Variants in MUSK observed in about 807,000 individuals in gnomAD.
The protein encoded by MUSK is muscle, skeletal receptor tyrosine-protein kinase.
In MUSK, 55 loss-of-function variants were observed where a neutral mutation model predicts 88.7. That is an observed-to-expected ratio of 0.62 (90% confidence interval 0.50 to 0.78). The LOEUF is 0.78. Ranked by LOEUF, MUSK falls within the 30% of genes least tolerant of loss-of-function variation. The probability of loss-of-function intolerance (pLI) is 0.00; values close to 1 mark genes in which losing one functional copy is unlikely to be tolerated. For missense variants in MUSK, 1,015 were observed against 1,074.3 expected (o/e 0.94, Z 0.77); for synonymous variants, 387 against 391.9 (o/e 0.99, Z 0.15).
chr9:110,759,949 T>C (rs751991258), intron 7 of MUSK, among the ~76,000 whole-genome samples: 7 of 151,940 alleles, frequency 4.6e-5, no homozygotes, highest in Non-Finnish European at 7.4e-5. Context: ...GGCAGGAAAA[T>C]AACTTGAACC....
intron 7 of MUSK, among the ~76,000 whole-genome samples, chr9:110,760,169 A>G (rs1017881732): frequency 6.6e-6 from 1 of 152,216 alleles, no homozygotes; most frequent in Non-Finnish European, 1.5e-5. Context: ...CTAAGATAAC[A>G]AAAACAGAAC....
chr9:110,736,009 T>A (rs1454528039), intron 6 of MUSK, among the ~76,000 whole-genome samples: 1 of 152,108 alleles, frequency 6.6e-6, no homozygotes, highest in Non-Finnish European at 1.5e-5. Context: ...CAATTCGACT[T>A]GAGATTTGGT....
At position 110,806,075 on chromosome 9, in the gene MUSK, T is replaced by C. The variant is rs2132082219; in HGVS notation, c.*5087T>C. Among the ~76,000 whole-genome samples the C allele has an allele frequency of 1.3e-5, 2 of 152,246 alleles. No homozygotes were observed. Among genetic ancestry groups the C allele is most frequent in the East Asian group, 3.9e-4 (2 of 5,186 alleles). ...ATAAAAGTTCCCTTCTTCCTTTTCATCTCTAGTCCCAGCCTAAGTGCTAAC... is the reference window on the plus strand; with the variant it reads ...ATAAAAGTTCCCTTCTTCCTTTTCACCTCTAGTCCCAGCCTAAGTGCTAAC... On this transcript the variant is annotated 3_prime_UTR_variant, in exon 15 of 15. Coordinates refer to ENST00000374448, the MANE Select transcript of MUSK (RefSeq NM_005592.4).
At chr9:110,695,346 T>C (rs1291473342) in intron 3 of MUSK, 57 bp from the exon 4 acceptor site, 4 of 1,209,736 alleles carry the variant, frequency 3.3e-6, no homozygotes, top group Non-Finnish European at 4.5e-6. Context: ...AGTTAGAAAC[T>C]CTAGGTTTAA....
intron 1 of MUSK, among the ~76,000 whole-genome samples, chr9:110,680,203 G>C (rs764989955): frequency 2.0e-5 from 3 of 152,130 alleles, no homozygotes; most frequent in Middle Eastern, 6.8e-3. Flanking sequence ...TCATGTAAAG[G>C]TATTAGCCTA....
intron 5 of MUSK, among the ~76,000 whole-genome samples, chr9:110,708,544 C>G (rs989676455): frequency 1.3e-5 from 2 of 152,110 alleles, no homozygotes; most frequent in African/African-American, 4.8e-5. Flanking sequence ...TCCCTGGAGG[C>G]TATCATTGGG....
chr9:110,670,966 AT>A (rs2075949539), intron 1 of MUSK, among the ~76,000 whole-genome samples: 1 of 151,328 alleles, frequency 6.6e-6, no homozygotes, highest in Admixed American at 6.6e-5. Context: ...AAATTTTATT[AT>A]TTTCATTATT....
chr9:110,774,684 C>G (rs2077637999), intron 9 of MUSK, among the ~76,000 whole-genome samples: 1 of 152,088 alleles, frequency 6.6e-6, no homozygotes, highest in African/African-American at 2.4e-5. Flanking sequence ...CTCCCTTCTC[C>G]CTTACGCACA....
chr9:110,704,681 C>T (rs933413944), intron 5 of MUSK, among the ~76,000 whole-genome samples: 3 of 152,078 alleles, frequency 2.0e-5, no homozygotes, highest in South Asian at 2.1e-4. Flanking sequence ...GTCATCATCT[C>T]TGCATAGAGA....
At chr9:110,706,778 C>T (rs936268458) in intron 5 of MUSK, among the ~76,000 whole-genome samples, 24 of 152,156 alleles carry the variant, frequency 1.6e-4, no homozygotes, top group African/African-American at 5.3e-4. Flanking sequence ...TCGAGGCAGG[C>T]GGATCACTTG....
chr9:110,689,447 TA>T (rs571006335), intron 3 of MUSK, among the ~76,000 whole-genome samples: 1,689 of 108,094 alleles, frequency 0.016, 44 homozygotes, highest in African/African-American at 0.071. Flanking sequence ...TTAAAATATG[TA>T]AAAAATACAT....
chr9:110,791,169 CG>C (rs1483236910), intron 14 of MUSK, among the ~76,000 whole-genome samples: 3 of 151,224 alleles, frequency 2.0e-5, no homozygotes, highest in Admixed American at 6.6e-5. Flanking sequence ...ACGCAGAAGA[CG>C]GGTGATTTCT....
chr9:110,785,881 TG>T (rs1472442766), intron 13 of MUSK, among the ~76,000 whole-genome samples, 163 bp downstream of exon 13: 2 of 147,196 alleles, frequency 1.4e-5, no homozygotes, highest in African/African-American at 5.1e-5. Context: ...ATATGTACAC[TG>T]TGTGTGTATA....
At chr9:110,730,048 G>A (rs1469125733) in intron 5 of MUSK, among the ~76,000 whole-genome samples, 1 of 151,994 alleles carries the variant, frequency 6.6e-6, no homozygotes, top group Non-Finnish European at 1.5e-5. Flanking sequence ...TATAATGTGG[G>A]TATGTTATAA....
chr9:110,734,141 C>A (rs2076999120), intron 5 of MUSK, 110 bp from the exon 6 acceptor site: 5 of 1,259,136 alleles, frequency 4.0e-6, no homozygotes, highest in Non-Finnish European at 5.5e-6. Context: ...AGAGCAAACA[C>A]TGAAGAACTG....
chr9:110,735,207 G>A (rs572052117), intron 6 of MUSK, among the ~76,000 whole-genome samples: 5 of 152,158 alleles, frequency 3.3e-5, no homozygotes, highest in Non-Finnish European at 1.5e-5. Flanking sequence ...CCACTACTGG[G>A]TATACAGTCA....
intron 8 of MUSK, among the ~76,000 whole-genome samples, chr9:110,762,704 G>A (rs2077419946): frequency 6.6e-6 from 1 of 152,150 alleles, no homozygotes; most frequent in Admixed American, 6.6e-5. Context: ...CTATATATAA[G>A]AAGGTATCCC....
chr9:110,713,645 T>C (rs997115019), intron 5 of MUSK, among the ~76,000 whole-genome samples: 8 of 152,186 alleles, frequency 5.3e-5, no homozygotes, highest in African/African-American at 1.9e-4. Flanking sequence ...TGGCCTTATC[T>C]GGCATCCAGA....
chr9:110,748,158 C>T (rs919454363), intron 7 of MUSK, among the ~76,000 whole-genome samples: 2 of 148,436 alleles, frequency 1.3e-5, no homozygotes, highest in Non-Finnish European at 3.0e-5. Context: ...TCCTTCCTTC[C>T]CTTATTCCCT....
Sources: allele counts gnomAD v4.1 joint callset (sites outside exome capture counted in the v4.1 genomes callset), GRCh38; gene constraint gnomAD v4.1.1; transcripts MANE v1.5; gene names NCBI Gene and HGNC (gene_info 2026-07-23, HGNC 2026-07-21).